KANK1: variants seen among roughly 807,000 people sequenced by gnomAD.
KANK1 encodes the protein KN motif and ankyrin repeat domain-containing protein 1.
In KANK1, 109 loss-of-function variants were observed where a neutral mutation model predicts 106.2. That is an observed-to-expected ratio of 1.03 (90% confidence interval 0.88 to 1.20). The LOEUF is 1.20. KANK1 is among the 50% of genes most tolerant of loss of function. The pLI is 0.00. For synonymous variants in KANK1, 873 were observed against 652.2 expected, an observed-to-expected ratio of 1.34 and a Z score of -5.16; for missense variants, 2,399 against 1,710.7, an observed-to-expected ratio of 1.40 and a Z score of -7.10.
At chr9:604,500 G>A (rs996869964) in intron 1 of KANK1, among the ~76,000 whole-genome samples, 2 of 151,772 alleles carry the variant, frequency 1.3e-5, no homozygotes, top group Non-Finnish European at 1.5e-5. Context: ...GTCATGTGAA[G>A]AAGAGGTCCT....
Position 710,631 on chromosome 9 carries a change from A to C in KANK1, c.38-173A>C, listed in dbSNP as rs535430492. Among the ~76,000 whole-genome samples the C allele has an allele frequency of 5.1e-3, 197 of 38,664 alleles. 7 individuals carry two copies. Among genetic ancestry groups the C allele is most frequent in the African/African-American group, 0.04 (173 of 4,326 alleles). 25.4% of individuals were successfully genotyped at this position (38,664 alleles called of 152,430 possible). ...GACCTGTCTCAAAAAAAAAAAAAACAAAAAAAAACAAAAAAAACTTGCTTA... is the reference window on the plus strand; with the variant it reads ...GACCTGTCTCAAAAAAAAAAAAAACCAAAAAAAACAAAAAAAACTTGCTTA... On this transcript the variant is annotated intron_variant, in intron 2 of 11. Coordinates refer to ENST00000382297, the MANE Select transcript of KANK1 (RefSeq NM_015158.5).
intron 1 of KANK1, among the ~76,000 whole-genome samples, chr9:550,831 T>G (rs1224561045): frequency 1.3e-5 from 2 of 152,150 alleles, no homozygotes; most frequent in Non-Finnish European, 2.9e-5. Context: ...TTTCCATTCT[T>G]TCTCCGAACT....
intron 2 of KANK1, among the ~76,000 whole-genome samples, chr9:692,440 A>G (rs1164702870): frequency 6.6e-6 from 1 of 152,154 alleles, no homozygotes; most frequent in Non-Finnish European, 1.5e-5. Context: ...GCAGATCCAA[A>G]TAATTTCATA....
chr9:505,399 C>T (rs1376478135), intron 1 of KANK1, among the ~76,000 whole-genome samples: 1 of 152,210 alleles, frequency 6.6e-6, no homozygotes, highest in Non-Finnish European at 1.5e-5. Context: ...CCCAACCCGG[C>T]GCGGGCAGCG....
intron 1 of KANK1, among the ~76,000 whole-genome samples, chr9:612,202 G>C (rs1035687393): frequency 6.6e-6 from 1 of 152,164 alleles, no homozygotes; most frequent in Non-Finnish European, 1.5e-5. Context: ...TTTGGCAGCT[G>C]TAGAGAAAAT....
intron 1 of KANK1, among the ~76,000 whole-genome samples, chr9:672,200 G>C (rs1477128847): frequency 6.6e-6 from 1 of 152,208 alleles, no homozygotes; most frequent in Non-Finnish European, 1.5e-5. Context: ...GCTGTGTGAT[G>C]TGAGCAAGTT....
intron 1 of KANK1, among the ~76,000 whole-genome samples, chr9:529,062 G>T (rs941179018): frequency 6.6e-6 from 1 of 152,150 alleles, no homozygotes; most frequent in Non-Finnish European, 1.5e-5. Context: ...GCCTCCCAGA[G>T]TGCTGGGGTT....
intron 3 of KANK1, among the ~76,000 whole-genome samples, chr9:481,181 T>G (rs750521260): frequency 3.9e-5 from 6 of 152,228 alleles, no homozygotes; most frequent in Non-Finnish European, 8.8e-5. Flanking sequence ...TACACGGTAC[T>G]TGAAGTATAG....
At chr9:580,443 C>T (rs534871392) in intron 1 of KANK1, among the ~76,000 whole-genome samples, 15 of 152,152 alleles carry the variant, frequency 9.9e-5, no homozygotes, top group Admixed American at 6.5e-4. Context: ...CTTATCTGGC[C>T]CCACCCACAT....
chr9:588,397 A>G (rs1369703705), intron 1 of KANK1, among the ~76,000 whole-genome samples: 2 of 152,178 alleles, frequency 1.3e-5, no homozygotes, highest in African/African-American at 4.8e-5. Flanking sequence ...TCCTTAGGAT[A>G]AATTGCCAGA....
chr9:644,018 A>G (rs76980872), intron 1 of KANK1, among the ~76,000 whole-genome samples: 1 of 150,632 alleles, frequency 6.6e-6, no homozygotes, highest in Admixed American at 6.6e-5. Context: ...TTGTTTTTGC[A>G]TGTGAGAAAA....
chr9:722,641 G>A (rs1309578376), intron 3 of KANK1, among the ~76,000 whole-genome samples: 1 of 152,180 alleles, frequency 6.6e-6, no homozygotes, highest in Admixed American at 6.5e-5. Context: ...ACCAGCCAGA[G>A]TTTCAACACC....
chr9:642,954 T>C (rs1418350765), intron 1 of KANK1, among the ~76,000 whole-genome samples: 2 of 150,646 alleles, frequency 1.3e-5, no homozygotes, highest in Non-Finnish European at 2.9e-5. Context: ...TGTTTATTAC[T>C]AAGTAATTTA....
chr9:739,118 C>G (rs1834629376), intron 8 of KANK1, among the ~76,000 whole-genome samples: 2 of 152,288 alleles, frequency 1.3e-5, no homozygotes, highest in East Asian at 1.9e-4. Flanking sequence ...CAGAATAGAG[C>G]CAGTGGACAT....
chr9:499,721 G>C (rs892495691), upstream of KANK1, among the ~76,000 whole-genome samples: 1 of 152,136 alleles, frequency 6.6e-6, no homozygotes, highest in African/African-American at 2.4e-5. Flanking sequence ...GGGGACTTTT[G>C]GTTAAAACTG....
chr9:602,396 A>G (rs941077854), intron 1 of KANK1, among the ~76,000 whole-genome samples: 6 of 151,720 alleles, frequency 4.0e-5, no homozygotes, highest in Non-Finnish European at 8.8e-5. Context: ...AGTAGCTGGG[A>G]CTACAGGCAT....
At chr9:677,110 A>T in intron 2 of KANK1, 101 bp downstream of exon 2, 1 of 1,075,662 alleles carries the variant, frequency 9.3e-7, no homozygotes, top group Non-Finnish European at 1.4e-6. Flanking sequence ...AGTTGCCTAG[A>T]TAACTAGGAT....
At position 535,308 on chromosome 9, in the gene KANK1, T is replaced by G. The variant is rs138827792; in HGVS notation, c.-84+30554T>G. On this transcript the variant is annotated intron_variant, in intron 1 of 11. Transcript: ENST00000382297. ...AGGATCCCCTACATTTGCATCTGTT[T>G]CCTTCCCTTATGCAAAGGCCCTACG... Among the ~76,000 whole-genome samples the G allele has an allele frequency of 5.3e-5, 8 of 152,338 alleles. No homozygotes were observed. The East Asian group carries it at 1.5e-3, about 29-fold the overall frequency.
At chr9:715,636 A>G (rs1827486018) in intron 3 of KANK1, among the ~76,000 whole-genome samples, 1 of 152,266 alleles carries the variant, frequency 6.6e-6, no homozygotes, top group South Asian at 2.1e-4. Flanking sequence ...TTAATCAGCT[A>G]AAATACAGAA....
Sources: allele counts gnomAD v4.1 joint callset (sites outside exome capture counted in the v4.1 genomes callset), GRCh38; gene constraint gnomAD v4.1.1; transcripts MANE v1.5; gene names NCBI Gene and HGNC (gene_info 2026-07-23, HGNC 2026-07-21).